The following AGBL4 variants were observed in gnomAD, a reference collection of about 807,000 sequenced individuals.
The protein encoded by AGBL4 is AGBL carboxypeptidase 4.
A neutral mutation model predicts 66.4 loss-of-function variants in AGBL4; 58 were observed. The ratio of observed to expected loss-of-function variants is 0.87; its 90% confidence interval spans 0.71 to 1.09. The LOEUF is 1.09. AGBL4 is among the 50% of genes least tolerant of loss of function. The probability of loss-of-function intolerance (pLI) is 0.00; values close to 1 mark genes in which losing one functional copy is unlikely to be tolerated. For missense variants in AGBL4, 579 were observed against 631.0 expected (o/e 0.92, Z 0.88); for synonymous variants, 234 against 222.9 (o/e 1.05, Z -0.44).
chr1:49,403,358 G>T (rs190375503), intron 3 of AGBL4, among the ~76,000 whole-genome samples: 7 of 151,986 alleles, frequency 4.6e-5, no homozygotes, highest in Non-Finnish European at 8.8e-5. Flanking sequence ...GTCTATGTGT[G>T]TCTTTATAGG....
chr1:49,876,246 G>C (rs1386888505), intron 1 of AGBL4, among the ~76,000 whole-genome samples: 2 of 95,862 alleles, frequency 2.1e-5, no homozygotes, highest in African/African-American at 8.5e-5. Flanking sequence ...CCTATGTCCT[G>C]AATGGTAATG....
intron 11 of AGBL4, among the ~76,000 whole-genome samples, chr1:48,546,501 C>T (rs758157566): frequency 3.9e-5 from 6 of 152,124 alleles, no homozygotes; most frequent in Non-Finnish European, 8.8e-5. Flanking sequence ...AAACGGAGTG[C>T]GGTCAGGCAC....
intron 5 of AGBL4, among the ~76,000 whole-genome samples, chr1:49,042,835 G>A (rs1049209370): frequency 6.6e-6 from 1 of 152,082 alleles, no homozygotes; most frequent in African/African-American, 2.4e-5. Flanking sequence ...TGATCCTATT[G>A]TTTTTCTTAT....
At chr1:48,817,729 C>A in intron 6 of AGBL4, 1 of 293,444 alleles carries the variant, frequency 3.4e-6, no homozygotes, top group Non-Finnish European at 6.3e-6. Flanking sequence ...AGCCAGCTTC[C>A]ACAGTAGCAA....
In AGBL4 at chr1:49,023,543, C is replaced by T. The variant is rs188103565; in HGVS notation, c.594+22041G>A. Among the ~76,000 whole-genome samples the T allele has an allele frequency of 4.4e-4, 67 of 152,134 alleles. 1 individual carries two copies. In the South Asian group the frequency reaches 9.4e-3, roughly 21 times the overall value. On this transcript the variant is annotated intron_variant, in intron 5 of 13. Coordinates refer to ENST00000371839, the MANE Select transcript of AGBL4 (RefSeq NM_032785.4). ...TTAAGATTTCAAATATGGACTTTACCAATAAAAGCCACAATAATCATTATT... is the reference window on the plus strand; with the variant it reads ...TTAAGATTTCAAATATGGACTTTACTAATAAAAGCCACAATAATCATTATT...
chr1:48,571,703 G>A (rs1644566505), intron 11 of AGBL4, among the ~76,000 whole-genome samples: 1 of 152,184 alleles, frequency 6.6e-6, no homozygotes, highest in Non-Finnish European at 1.5e-5. Context: ...TACCACAAGT[G>A]ATAAATAAAT....
intron 11 of AGBL4, among the ~76,000 whole-genome samples, chr1:48,553,677 T>C: frequency 6.6e-6 from 1 of 152,112 alleles, no homozygotes; most frequent in Non-Finnish European, 1.5e-5. Flanking sequence ...GGAAGAGTAT[T>C]CATAATTTTC....
chr1:49,070,452 AT>A (rs1427199904), intron 4 of AGBL4, among the ~76,000 whole-genome samples: 1 of 151,876 alleles, frequency 6.6e-6, no homozygotes, highest in African/African-American at 2.4e-5. Context: ...GGGCTGTTGA[AT>A]TTTGTTGAAG....
At chr1:49,211,032 CT>C (rs1158628086) in intron 4 of AGBL4, among the ~76,000 whole-genome samples, 4 of 152,056 alleles carry the variant, frequency 2.6e-5, no homozygotes, top group Admixed American at 2.0e-4. Flanking sequence ...TAGAAGTACC[CT>C]GCCAAATGGG....
intron 9 of AGBL4, among the ~76,000 whole-genome samples, chr1:48,617,826 G>A (rs2148391113): frequency 6.6e-6 from 1 of 152,258 alleles, no homozygotes; most frequent in African/African-American, 2.4e-5. Context: ...CATTCCCTCA[G>A]AGACATCTGG....
At chr1:48,721,208 A>G (rs1449668089) in intron 6 of AGBL4, among the ~76,000 whole-genome samples, 1 of 152,128 alleles carries the variant, frequency 6.6e-6, no homozygotes, top group African/African-American at 2.4e-5. Context: ...CAGAGGTGGG[A>G]GTAGGGTAAG....
At chr1:49,782,200 C>T (rs1185806132) in intron 2 of AGBL4, among the ~76,000 whole-genome samples, 1 of 151,644 alleles carries the variant, frequency 6.6e-6, no homozygotes, top group Admixed American at 6.6e-5. Flanking sequence ...AAAAGATCAA[C>T]AAAAACCAAA....
chr1:49,555,067 G>C (rs1473785867), intron 3 of AGBL4, among the ~76,000 whole-genome samples: 2 of 152,166 alleles, frequency 1.3e-5, no homozygotes, highest in Admixed American at 6.5e-5. Flanking sequence ...GGTTGCCACT[G>C]CTGGCTCTCT....
In AGBL4 at chr1:49,553,120, G is replaced by C. The variant is rs943757933; in HGVS notation, c.282+144193C>G. ...AAAAAATATTTCTTAAAAAATGAAT[G>C]AATTGATCTACATTTCGCATTTTAA... On this transcript the variant is annotated intron_variant, in intron 3 of 13. Coordinates refer to ENST00000371839, the MANE Select transcript of AGBL4 (RefSeq NM_032785.4). Among the ~76,000 whole-genome samples the C allele has an allele frequency of 9.2e-5, 14 of 152,132 alleles. 1 individual carries two copies. The highest frequency in any genetic ancestry group is 3.4e-4 in the African/African-American group (14 of 41,434).
chr1:49,562,439 G>T (rs1056752160), intron 3 of AGBL4, among the ~76,000 whole-genome samples: 6 of 151,934 alleles, frequency 3.9e-5, no homozygotes, highest in Non-Finnish European at 7.4e-5. Flanking sequence ...TTTATGGTTT[G>T]AGGTCTAACA....
intron 4 of AGBL4, among the ~76,000 whole-genome samples, chr1:49,193,217 A>C (rs1405285023): frequency 1.4e-5 from 2 of 148,090 alleles, no homozygotes; most frequent in Non-Finnish European, 3.0e-5. Context: ...TTCTGCCCTG[A>C]TCTTTGTTAT....
chr1:49,675,311 T>G (rs1431610948), intron 3 of AGBL4, among the ~76,000 whole-genome samples: 1 of 152,054 alleles, frequency 6.6e-6, no homozygotes, highest in African/African-American at 2.4e-5. Flanking sequence ...GTTAATAATT[T>G]CATAACAGAA....
In AGBL4 at chr1:49,983,280, G is replaced by A. The variant is rs12030045; in HGVS notation, c.34+40483C>T. 8.1e-3 allele frequency among the ~76,000 whole-genome samples: 1,237 copies of A among 152,328 alleles called. 8 individuals carry two copies. The highest frequency in any genetic ancestry group is 0.031 in the Middle Eastern group (9 of 294). On this transcript the variant is annotated intron_variant, in intron 1 of 13. Coordinates refer to ENST00000371839, the MANE Select transcript of AGBL4 (RefSeq NM_032785.4). ...CCCTCTTTGGGGCTCTGCAGTTCCT[G>A]ACGTCTCCAAGCTTCTGGGCACCAA... is the stretch of plus-strand genomic sequence containing the variant.
At chr1:48,702,717 T>C (rs912804156) in intron 6 of AGBL4, among the ~76,000 whole-genome samples, 5 of 152,164 alleles carry the variant, frequency 3.3e-5, no homozygotes, top group African/African-American at 1.2e-4. Context: ...TAAACAGGGA[T>C]GAAATAGAAA....
Sources: allele counts gnomAD v4.1 joint callset (sites outside exome capture counted in the v4.1 genomes callset), GRCh38; gene constraint gnomAD v4.1.1; transcripts MANE v1.5; gene names NCBI Gene and HGNC (gene_info 2026-07-23, HGNC 2026-07-21).